PSMD2: variants seen among roughly 807,000 people sequenced by gnomAD.
PSMD2 encodes proteasome 26S subunit ubiquitin receptor, non-ATPase 2.
A neutral mutation model predicts 101.5 loss-of-function variants in PSMD2; 8 were observed. The observed-to-expected ratio is 0.08, with a 90% CI of 0.05 to 0.14. The LOEUF (loss-of-function observed/expected upper bound fraction) is 0.14. Ranked by LOEUF, PSMD2 falls within the 10% of genes least tolerant of loss-of-function variation. PSMD2 has a pLI of 1.00. For missense variants in PSMD2, 784 were observed against 1,147.4 expected (o/e 0.68, Z 4.58); for synonymous variants, 418 against 433.8 (o/e 0.96, Z 0.45).
chr3:184,302,898 C>T lies in PSMD2; in HGVS notation c.1008+75C>T, dbSNP rs1003424478. 6.5e-5 allele frequency: 105 copies of T among 1,610,726 alleles called. No homozygotes were observed. In the African/African-American group the frequency reaches 1.1e-3, roughly 17 times the overall value. On this transcript the variant is annotated intron_variant, in intron 7 of 20. Coordinates refer to ENST00000310118, the MANE Select transcript of PSMD2 (RefSeq NM_002808.5). ...CCATTTCACCTCCCTGACTCTACCT[C>T]TGACTAGACTCTCCTTGATTAGAAT...
At chr3:184,306,528 C>A (rs772231468) in intron 15 of PSMD2, 33 bp downstream of exon 15, 3 of 1,602,754 alleles carry the variant, frequency 1.9e-6, no homozygotes, top group Non-Finnish European at 2.6e-6. Flanking sequence ...TGCAGAGAGG[C>A]TGTGAGAAGA....
At chr3:184,299,565 C>A in intron 1 of PSMD2, 164 bp downstream of exon 1, 3 of 1,036,640 alleles carry the variant, frequency 2.9e-6, no homozygotes, top group Non-Finnish European at 3.9e-6. Context: ...CCTCATTCTC[C>A]GTTCCGCGCT....
chr3:184,306,967 TC>T, intron 16 of PSMD2, 133 bp downstream of exon 16: 1 of 776,830 alleles, frequency 1.3e-6, no homozygotes. Flanking sequence ...TTTTTTCTTT[TC>T]TTTTTTGAAG....
Position 184,302,022 on chromosome 3 carries a change from A to G in PSMD2, c.655A>G (p.Lys219Glu). Reference protein sequence around the residue: ...MEIEQVDMLEKDIDENAYAKV... With the variant: ...MEIEQVDMLEEDIDENAYAKV... ...AATTGAGCAGGTGGACATGCTGGAG[A>G]AGGACATTGATGAAAATGCATATGC... is the stretch of plus-strand genomic sequence containing the variant. The change falls in exon 5 of 21, where the codon AAG becomes GAG. Residue 219 changes from lysine (K) to glutamate (E), a missense_variant. Transcript: ENST00000310118. 22 of 1,614,204 alleles carry G rather than the reference A, an allele frequency of 1.4e-5. No homozygotes were observed. The highest frequency in any genetic ancestry group is 1.9e-5 in the Non-Finnish European group (22 of 1,180,034).
At chr3:184,303,276 C>A in intron 8 of PSMD2, 44 bp from the exon 9 acceptor site, 1 of 1,596,194 alleles carries the variant, frequency 6.3e-7, no homozygotes, top group Non-Finnish European at 8.5e-7. Context: ...TCCTGTCCTA[C>A]CTGAAACCTT....
Position 184,304,230 on chromosome 3 carries a change from C to T in PSMD2, c.1452-74C>T, listed in dbSNP as rs951608098. On this transcript the variant is annotated intron_variant, in intron 11 of 20. Coordinates refer to ENST00000310118, the MANE Select transcript of PSMD2 (RefSeq NM_002808.5). The surrounding 1 kb of genome is among the most constrained non-coding windows in gnomAD (Gnocchi z 4.1). The stretch of plus-strand genomic sequence containing the variant: ...TTTGTTGAAATGGTGAATGAATGAC[C>T]GATTCTCCTTTTGTTCTTTTCTTGC... 11 of 1,557,684 alleles carry T rather than the reference C, an allele frequency of 7.1e-6. No individual in the cohort carries two copies. Among genetic ancestry groups the T allele is most frequent in the African/African-American group, 2.7e-5 (2 of 73,564 alleles).
At chr3:184,302,156 C>A in intron 5 of PSMD2, 85 bp downstream of exon 5, 1 of 1,431,694 alleles carries the variant, frequency 7.0e-7, no homozygotes, top group Non-Finnish European at 9.8e-7. Context: ...TTTCCCAGAG[C>A]ATTTGCTCAA....
Position 184,306,803 on chromosome 3 carries a change from C to T in PSMD2, c.2003C>T (p.Ala668Val), listed in dbSNP as rs773851254. 2 of 1,613,830 alleles carry T rather than the reference C, an allele frequency of 1.2e-6. No individual in the cohort carries two copies. Among genetic ancestry groups the T allele is most frequent in the South Asian group, 2.2e-5 (2 of 91,042 alleles). Residue 668 changes from alanine to valine, a missense_variant, in exon 16 of 21, where the codon GCA (alanine) becomes GTA (valine). Ala to Val is a moderately conservative substitution (Grantham distance 64). Transcript: ENST00000310118. Reference protein sequence around the residue: ...ALIAMGEEIGAEMALRTFGHL... With the variant: ...ALIAMGEEIGVEMALRTFGHL... ...ATTGCTATGGGGGAGGAGATTGGTG[C>T]AGAGATGGCATTACGAACCTTTGGC...
At chr3:184,302,315 G>A in intron 5 of PSMD2, 55 bp from the exon 6 acceptor site, 1 of 1,482,454 alleles carries the variant, frequency 6.7e-7, no homozygotes, top group South Asian at 1.2e-5. Context: ...GTGAATTCAT[G>A]GGGAAAATGA....
rs769634944 is a variant in PSMD2 at position 184,306,387 on chromosome 3, C to T, written c.1842C>T (p.His614=). 7 of 1,614,038 alleles carry T rather than the reference C, an allele frequency of 4.3e-6. No homozygotes were observed. The highest frequency in any genetic ancestry group is 1.7e-5 in the Admixed American group (1 of 59,998). The stretch of plus-strand genomic sequence containing the variant: ...TGCTGAAGGTGCAGCAGCTGCTCCA[C>T]ATTTGTAGCGAACACTTTGACTCCA... ...GNVLKVQQLL[H]ICSEHFDSKE... is the part of the protein sequence containing the mutation. The change falls in exon 15 of 21, where the codon CAC becomes CAT. Residue 614 remains histidine (H), a synonymous_variant. Coordinates refer to ENST00000310118, the MANE Select transcript of PSMD2 (RefSeq NM_002808.5).
chr3:184,299,940 G>C (rs750513170), intron 2 of PSMD2, 33 bp downstream of exon 2: 1 of 1,592,866 alleles, frequency 6.3e-7, no homozygotes, highest in Admixed American at 1.7e-5. Context: ...TTCGGTGCAT[G>C]TTTGGATCTT....
Position 184,301,539 on chromosome 3 carries a change from T to C in PSMD2, c.360T>C (p.Arg120=). 6.2e-7 allele frequency: 1 copy of C among 1,613,536 alleles called. No homozygotes were observed. Among genetic ancestry groups the C allele is most frequent in the Non-Finnish European group, 8.5e-7 (1 of 1,179,836 alleles). Residue 120 remains arginine, a splice_region_variant and synonymous_variant, in exon 4 of 21, where the codon CGT becomes CGC. Transcript: ENST00000310118. ...TCAAAGAACTCTTTTCTTTATAGCG[T>C]TTTGCTGCTGACATCATCTCCGTTT... ...YENMAPGENK[R]FAADIISVLA... is the part of the protein sequence containing the mutation.
rs749344239 is a variant in PSMD2, at chr3:184,306,169, T to C, written c.1804+14T>C. On this transcript the variant is annotated intron_variant, in intron 14 of 20. Transcript: ENST00000310118. ...GTGCATATGCAGGTCTGTGTCTTTA[T>C]GAGTCTGTCTTGTGCTTCCCCAGTG... 2.5e-6 allele frequency: 4 copies of C among 1,613,846 alleles called. No homozygotes were observed. In the East Asian group the frequency reaches 6.7e-5, roughly 27 times the overall value.
Position 184,299,291 on chromosome 3 carries a change from G to C in PSMD2, c.25G>C (p.Ala9Pro), listed in dbSNP as rs975275652. 1.0e-5 allele frequency: 14 copies of C among 1,370,836 alleles called. No individual in the cohort carries two copies. Among genetic ancestry groups the C allele is most frequent in the Non-Finnish European group, 1.2e-5 (13 of 1,063,712 alleles). 84.9% of individuals were successfully genotyped at this position (1,370,836 alleles called of 1,614,324 possible). A position where few individuals can be genotyped will look rare whatever the true frequency, so the allele number is the denominator to read the frequency against. Residue 9 changes from alanine to proline, a missense_variant, in exon 1 of 21, where the codon GCG becomes CCG. Coordinates refer to ENST00000310118, the MANE Select transcript of PSMD2 (RefSeq NM_002808.5). Reference sequence around the variant, plus strand: ...GATGGAGGAGGGAGGCCGGGACAAGGCGCCGGTGCAGCCCCAGCAGTCTCC... The same window carrying C: ...GATGGAGGAGGGAGGCCGGGACAAGCCGCCGGTGCAGCCCCAGCAGTCTCC... MEEGGRDK[A>P]PVQPQQSPAA...
At chr3:184,302,140 C>T (rs995809040) in intron 5 of PSMD2, 69 bp downstream of exon 5, 91 of 1,493,602 alleles carry the variant, frequency 6.1e-5, no homozygotes, top group Non-Finnish European at 8.2e-5. Flanking sequence ...ATTGCGCCTC[C>T]TCTATTTTCC....
At position 184,302,024 on chromosome 3, in the gene PSMD2, G is replaced by A. The variant is rs138472203; in HGVS notation, c.657G>A (p.Lys219=). The part of the protein sequence containing the change: ...MEIEQVDMLE[K]DIDENAYAKV... ...TTGAGCAGGTGGACATGCTGGAGAAGGACATTGATGAAAATGCATATGCAA... is the reference window on the plus strand; with the variant it reads ...TTGAGCAGGTGGACATGCTGGAGAAAGACATTGATGAAAATGCATATGCAA... The change falls in exon 5 of 21, where the codon AAG becomes AAA. Residue 219 remains lysine (K), a synonymous_variant. Transcript: ENST00000310118. 4 of 1,614,212 alleles carry A rather than the reference G, an allele frequency of 2.5e-6. No individual in the cohort carries two copies. Among genetic ancestry groups the A allele is most frequent in the South Asian group, 1.1e-5 (1 of 91,086 alleles).
At position 184,304,361 on chromosome 3, in the gene PSMD2, T is replaced by G; in HGVS notation, c.1509T>G (p.Pro503=). Residue 503 remains proline, a synonymous_variant, in exon 12 of 21, where the codon CCT becomes CCG. Transcript: ENST00000310118. This position sits in a 1 kb window ranked among gnomAD's most constrained non-coding sequence, Gnocchi z 4.1. The part of the protein sequence containing the change: ...NREDVLTLLL[P]VMGDSKSSME... Reference sequence around the variant, plus strand: ...AAGATGTCCTAACACTGCTGCTGCCTGTGATGGGAGATTCAAAGTCCAGCA... The same window carrying G: ...AAGATGTCCTAACACTGCTGCTGCCGGTGATGGGAGATTCAAAGTCCAGCA... 6.2e-7 allele frequency: 1 copy of G among 1,614,210 alleles called. No homozygotes were observed. The highest frequency in any genetic ancestry group is 8.5e-7 in the Non-Finnish European group (1 of 1,180,024).
chr3:184,306,054 G>C lies in PSMD2; in HGVS notation c.1703G>C (p.Gly568Ala). ...LPLGLGLNHL[G>A]KGEAIEAILA... ...CTGACCCCTTGAATCTGTCCTGTAGGGAAGGGTGAGGCCATCGAGGCAATC... is the reference window on the plus strand; with the variant it reads ...CTGACCCCTTGAATCTGTCCTGTAGCGAAGGGTGAGGCCATCGAGGCAATC... The change falls in exon 14 of 21, where the codon GGG becomes GCG. Residue 568 changes from glycine (G) to alanine (A), a missense_variant and splice_region_variant. By Grantham distance (60) the Gly-to-Ala change is moderately conservative. Coordinates refer to ENST00000310118, the MANE Select transcript of PSMD2 (RefSeq NM_002808.5). The C allele has an allele frequency of 6.2e-7, 1 of 1,614,200 alleles. No homozygotes were observed. The highest frequency in any genetic ancestry group is 8.5e-7 in the Non-Finnish European group (1 of 1,180,036).
At position 184,306,172 on chromosome 3, in the gene PSMD2, G is replaced by A; in HGVS notation, c.1804+17G>A. The A allele has an allele frequency of 5.0e-6, 8 of 1,613,554 alleles. No homozygotes were observed. Among genetic ancestry groups the A allele is most frequent in the Non-Finnish European group, 5.9e-6 (7 of 1,179,462 alleles). ...CATATGCAGGTCTGTGTCTTTATGA[G>A]TCTGTCTTGTGCTTCCCCAGTGACT... On this transcript the variant is annotated intron_variant, in intron 14 of 20. Coordinates refer to ENST00000310118, the MANE Select transcript of PSMD2 (RefSeq NM_002808.5).
Sources: allele counts gnomAD v4.1 joint callset, GRCh38; gene constraint gnomAD v4.1.1; non-coding constraint Gnocchi (gnomAD v3.1); transcripts MANE v1.5; gene names NCBI Gene and HGNC (gene_info 2026-07-23, HGNC 2026-07-21).